Variants in MRPS6 observed in about 807,000 individuals in gnomAD.
MRPS6 encodes the protein small ribosomal subunit protein bS6m.
MRPS6 carries 6 observed loss-of-function variants against 13.1 expected under a neutral mutation model. The ratio of observed to expected loss-of-function variants is 0.46; its 90% CI spans 0.25 to 0.91. MRPS6 has a LOEUF of 0.91. Among genes scored for constraint, MRPS6 ranks in the 40% least tolerant of loss-of-function variants. The pLI is 0.18. For synonymous variants in MRPS6, 61 were observed against 56.5 expected (o/e 1.08, Z -0.36); for missense variants, 164 against 155.6 (o/e 1.05, Z -0.29).
chr21:34,142,588 G>GA lies in MRPS6; in HGVS notation c.367dup (p.Arg123LysfsTer11). ...CAGAAAAATTATATTCCACAAAGAA[G>GA]AGGAAGAAGTGAGAAGATTCGCCAG... On this transcript the variant is annotated frameshift_variant, in exon 3 of 3. Transcript: ENST00000399312. LOFTEE classifies it high-confidence loss of function. 1 of 1,602,178 alleles carries GA rather than the reference G, an allele frequency of 6.2e-7. No homozygotes were observed. The highest frequency in any genetic ancestry group is 1.3e-5 in the African/African-American group (1 of 74,570).
At chr21:34,082,707 A>C (rs922337236) in intron 1 of MRPS6, among the ~76,000 whole-genome samples, 2 of 152,200 alleles carry the variant, frequency 1.3e-5, no homozygotes, top group Non-Finnish European at 2.9e-5. Context: ...ATAGAAGCCA[A>C]GTTATTACCT....
At chr21:34,086,788 T>C (rs1002526911) in intron 1 of MRPS6, among the ~76,000 whole-genome samples, 7 of 147,568 alleles carry the variant, frequency 4.7e-5, no homozygotes, top group African/African-American at 1.8e-4. Flanking sequence ...GTAACTTCTT[T>C]AGTTTTGTGG....
chr21:34,093,713 GC>G (rs1978827270), intron 1 of MRPS6, among the ~76,000 whole-genome samples: 1 of 152,174 alleles, frequency 6.6e-6, no homozygotes, highest in African/African-American at 2.4e-5. Context: ...TCTGTCAGCT[GC>G]AATTACAATT....
chr21:34,120,236 T>C (rs1980071835), intron 1 of MRPS6, among the ~76,000 whole-genome samples: 2 of 152,178 alleles, frequency 1.3e-5, no homozygotes, highest in Non-Finnish European at 2.9e-5. Context: ...AAGAAGTTGT[T>C]GAGTTCAACC....
chr21:34,074,514 C>T (rs776739975), intron 1 of MRPS6, among the ~76,000 whole-genome samples: 2 of 152,188 alleles, frequency 1.3e-5, no homozygotes, highest in Non-Finnish European at 2.9e-5. Flanking sequence ...CTAAGCGAAC[C>T]AGCGGCCCCT....
At chr21:34,091,358 T>A (rs1050191924) in intron 1 of MRPS6, among the ~76,000 whole-genome samples, 1 of 152,214 alleles carries the variant, frequency 6.6e-6, no homozygotes. Flanking sequence ...GGTGGTTTTT[T>A]ATTTTATTAT....
rs771600527 is a variant in MRPS6 at position 34,142,483 on chromosome 21, T to C, written c.261T>C (p.Asp87=). ...SMVEHLSRDI[D]VIRGNIVKHP... ...TGGAGCACTTGTCTCGAGATATAGA[T>C]GTGATTAGAGGGAATATTGTCAAAC... Residue 87 remains aspartate (D), a synonymous_variant, in exon 3 of 3, where the codon GAT becomes GAC. Transcript: ENST00000399312. 4.3e-6 allele frequency: 7 copies of C among 1,612,944 alleles called. No homozygotes were observed. The highest frequency in any genetic ancestry group is 5.9e-6 in the Non-Finnish European group (7 of 1,179,578).
Position 34,096,802 on chromosome 21 carries a change from C to T in MRPS6, c.45+23057C>T. 1 of 1,614,056 alleles carries T rather than the reference C, an allele frequency of 6.2e-7. No homozygotes were observed. The highest frequency in any genetic ancestry group is 8.5e-7 in the Non-Finnish European group (1 of 1,179,962). ...GTAATTGTGAGCCTTCTCACACCAC[C>T]TCCCACAAAGGAACAGATTCGAACC... is the stretch of plus-strand genomic sequence containing the variant. On this transcript the variant is annotated intron_variant, in intron 1 of 2. Coordinates refer to ENST00000399312, the MANE Select transcript of MRPS6 (RefSeq NM_032476.4). The surrounding 1 kb of genome is among the most constrained non-coding windows in gnomAD (Gnocchi z 5.9).
At chr21:34,115,600 G>A (rs1979867718) in intron 1 of MRPS6, among the ~76,000 whole-genome samples, 1 of 152,180 alleles carries the variant, frequency 6.6e-6, no homozygotes, top group Non-Finnish European at 1.5e-5. Flanking sequence ...TTACTATATT[G>A]TTAAAAGCCT....
intron 1 of MRPS6, among the ~76,000 whole-genome samples, chr21:34,116,191 TG>T (rs1336152080): frequency 7.6e-6 from 1 of 131,568 alleles, no homozygotes; most frequent in East Asian, 2.9e-4. Flanking sequence ...TGTGTGTGTG[TG>T]TGTGTGTGTG....
rs372979623 is a variant in MRPS6 at position 34,096,126 on chromosome 21, A to G, written c.45+22381A>G. 7.2e-5 allele frequency: 117 copies of G among 1,614,006 alleles called. 2 individuals carry two copies. Among genetic ancestry groups the G allele is most frequent in the East Asian group, 2.7e-4 (12 of 44,894 alleles). On this transcript the variant is annotated intron_variant, in intron 1 of 2. Transcript: ENST00000399312. This position sits in a 1 kb window ranked among gnomAD's most constrained non-coding sequence, Gnocchi z 5.9. ...GGCTGGCTTCTTAAAGCTCCTGCCAATGTTTATCATAGTTGTCCCAGGAAT... is the reference window on the plus strand; with the variant it reads ...GGCTGGCTTCTTAAAGCTCCTGCCAGTGTTTATCATAGTTGTCCCAGGAAT...
At chr21:34,130,637 A>G (rs1385680412) in intron 2 of MRPS6, among the ~76,000 whole-genome samples, 4 of 152,218 alleles carry the variant, frequency 2.6e-5, no homozygotes, top group Non-Finnish European at 2.9e-5. Context: ...AGGAGGGCAC[A>G]TTATCACCTG....
At chr21:34,101,946 G>A (rs1979256674) in intron 1 of MRPS6, 1 of 1,000,074 alleles carries the variant, frequency 1.0e-6, no homozygotes. Context: ...AGAAACAATG[G>A]AGTTTTGATG....
chr21:34,119,343 G>A (rs1980041321), intron 1 of MRPS6, among the ~76,000 whole-genome samples: 1 of 152,182 alleles, frequency 6.6e-6, no homozygotes, highest in African/African-American at 2.4e-5. Context: ...AGGGCTCACA[G>A]ATTTTCAGAT....
intron 1 of MRPS6, chr21:34,105,388 C>A (rs1360495677): frequency 3.0e-6 from 3 of 999,002 alleles, no homozygotes; most frequent in African/African-American, 1.7e-5. Context: ...AAAACCAATT[C>A]TTTTTCTAAT....
intron 1 of MRPS6, chr21:34,097,231 T>C (rs781226805): frequency 1.2e-6 from 2 of 1,614,060 alleles, no homozygotes; most frequent in Admixed American, 3.3e-5. Context: ...AGAGACCTGA[T>C]GGAAGAGGAG....
At chr21:34,116,758 G>A (rs931316936) in intron 1 of MRPS6, among the ~76,000 whole-genome samples, 1 of 152,128 alleles carries the variant, frequency 6.6e-6, no homozygotes, top group Non-Finnish European at 1.5e-5. Context: ...AAAACATGGA[G>A]CAAACACAAC....
chr21:34,124,192 C>T (rs900895659), intron 1 of MRPS6: 2 of 152,236 alleles, frequency 1.3e-5, no homozygotes, highest in Non-Finnish European at 2.9e-5. Context: ...ATCTGAGACT[C>T]AGCGTGTCTT....
chr21:34,095,797 T>C (rs1393715334), intron 1 of MRPS6: 4 of 1,614,102 alleles, frequency 2.5e-6, no homozygotes, highest in East Asian at 2.2e-5. Flanking sequence ...CTTACACTTA[T>C]GATTATTAGC....
Sources: gnomAD v4.1 joint callset for allele counts (sites outside exome capture counted in the v4.1 genomes callset) on GRCh38, gnomAD v4.1.1 for gene constraint, Gnocchi (gnomAD v3.1) non-coding constraint, MANE v1.5 for transcripts, NCBI Gene and HGNC (gene_info 2026-07-23, HGNC 2026-07-21) for gene names.